DNMT3L: variants seen among roughly 807,000 people sequenced by gnomAD.
DNMT3L encodes the protein DNA methyltransferase 3 like.
Under a neutral mutation model 36.2 loss-of-function variants are expected in DNMT3L, and 33 were observed. That is an observed-to-expected ratio of 0.91 (90% confidence interval 0.69 to 1.22). The LOEUF is 1.22. Among genes scored for constraint, DNMT3L ranks in the 50% most tolerant of loss-of-function variants. The probability of loss-of-function intolerance (pLI) is 0.00; values close to 1 mark genes in which losing one functional copy is unlikely to be tolerated. For synonymous variants in DNMT3L, 117 were observed against 121.7 expected (o/e 0.96, Z 0.26); for missense variants, 310 against 303.1 (o/e 1.02, Z -0.17).
rs757536808 is a variant in DNMT3L, at chr21:44,261,218, G to A, written c.42C>T (p.Ser14=). The A allele has an allele frequency of 3.7e-6, 6 of 1,612,706 alleles. No homozygotes were observed. In the South Asian group the frequency reaches 6.6e-5, roughly 18 times the overall value. ...TGGATCCCACCAAAATCACGTCCAT[G>A]CTGGGCTCGGCCTCTGGGTCCAGGG... ...IPALDPEAEP[S]MDVILVGSSE... Residue 14 remains serine, a synonymous_variant, in exon 2 of 12, where the codon AGC becomes AGT. Transcript: ENST00000628202.
chr21:44,260,815 G>C lies in DNMT3L; in HGVS notation c.131C>G (p.Ala44Gly). 1 of 1,613,188 alleles carries C rather than the reference G, an allele frequency of 6.2e-7. No individual in the cohort carries two copies. Among genetic ancestry groups the C allele is most frequent in the East Asian group, 2.2e-5 (1 of 44,886 alleles). The change falls in exon 3 of 12, where the codon GCT becomes GGT. Residue 44 changes from alanine to glycine, a missense_variant. Coordinates refer to ENST00000628202, the MANE Select transcript of DNMT3L (RefSeq NM_175867.3). ...CTCACCTTCTATATTTCGCTGGTTA[G>C]CCTTGACTTCATATGCAATAAGATC... Reference protein sequence around the residue: ...GRDLIAYEVKANQRNIEDICI... With the variant: ...GRDLIAYEVKGNQRNIEDICI...
chr21:44,256,817 C>T (rs554096223), intron 6 of DNMT3L, among the ~76,000 whole-genome samples: 27 of 152,318 alleles, frequency 1.8e-4, no homozygotes, highest in South Asian at 1.2e-3. Flanking sequence ...AGGGCCAACC[C>T]CCAAGGCCCA....
intron 7 of DNMT3L, among the ~76,000 whole-genome samples, chr21:44,254,936 C>T (rs879919469): frequency 6.6e-6 from 1 of 152,186 alleles, no homozygotes; most frequent in African/African-American, 2.4e-5. Flanking sequence ...AGCGGTTCCC[C>T]TGCCTCAACC....
intron 5 of DNMT3L, 24 bp downstream of exon 5, chr21:44,259,413 C>G (rs372124392): frequency 3.1e-6 from 5 of 1,612,122 alleles, no homozygotes; most frequent in Admixed American, 3.3e-5. Flanking sequence ...CCCTTCACCC[C>G]CCTGGGCAGG....
chr21:44,259,305 A>C, intron 5 of DNMT3L, 132 bp downstream of exon 5: 1 of 915,858 alleles, frequency 1.1e-6, no homozygotes, highest in East Asian at 2.6e-5. Context: ...GACGCATTGG[A>C]GACAGAAATC....
intron 7 of DNMT3L, among the ~76,000 whole-genome samples, chr21:44,254,988 G>T (rs2040246117): frequency 6.6e-6 from 1 of 152,030 alleles, no homozygotes; most frequent in Non-Finnish European, 1.5e-5. Flanking sequence ...ACCACGCCCG[G>T]CTAATTTTTT....
intron 6 of DNMT3L, among the ~76,000 whole-genome samples, chr21:44,256,372 C>G (rs112248290): frequency 2.6e-5 from 4 of 150,980 alleles, no homozygotes; most frequent in African/African-American, 7.3e-5. Flanking sequence ...GTCTCCCGCT[C>G]TGACCTGTCT....
chr21:44,254,513 C>T, intron 8 of DNMT3L, 104 bp downstream of exon 8: 2 of 1,318,858 alleles, frequency 1.5e-6, no homozygotes, highest in Non-Finnish European at 2.1e-6. Context: ...CTCCTCCCAG[C>T]CCCTGCTGCC....
In DNMT3L at chr21:44,259,634, T is replaced by C. The variant is rs1362870630; in HGVS notation, c.229A>G (p.Lys77Glu). The C allele has an allele frequency of 1.9e-6, 3 of 1,613,274 alleles. No homozygotes were observed. Among genetic ancestry groups the C allele is most frequent in the Non-Finnish European group, 8.5e-7 (1 of 1,179,860 alleles). Residue 77 changes from lysine (K) to glutamate (E), a missense_variant and splice_region_variant, in exon 4 of 12, where the codon AAG (lysine) becomes GAG (glutamate). By Grantham distance (56) the Lys-to-Glu change is moderately conservative. Transcript: ENST00000628202. ...TCACCCCCAGCCTCCCTGCCTACCT[T>C]ACATGGGGCGCAGATCCCTCCCTCA... ...LFEGGICAPC[K>E]DKFLDALFLY...
chr21:44,261,101 G>C, intron 2 of DNMT3L, 53 bp downstream of exon 2: 1 of 1,595,082 alleles, frequency 6.3e-7, no homozygotes, highest in Non-Finnish European at 8.6e-7. Context: ...ACCTCATCCA[G>C]GCCTGGGATC....
chr21:44,260,166 A>T (rs1351637863), intron 3 of DNMT3L, among the ~76,000 whole-genome samples: 1 of 152,124 alleles, frequency 6.6e-6, no homozygotes, highest in Non-Finnish European at 1.5e-5. Context: ...AGGAGTTGAC[A>T]GGCTGATCCT....
Position 44,259,478 on chromosome 21 carries a change from G to C in DNMT3L, c.303C>G (p.Ser101=), listed in dbSNP as rs79589187. The change falls in exon 5 of 12, where the codon TCC becomes TCG. Residue 101 remains serine (S), a synonymous_variant. Coordinates refer to ENST00000628202, the MANE Select transcript of DNMT3L (RefSeq NM_175867.3). ...GYQSYCSICC[S]GETLLICGNP... ...TTCCGCAGATGAGCAGCGTCTCTCCGGAGCAGCAGATGGAGCAGTAGGATT... is the reference window on the plus strand; with the variant it reads ...TTCCGCAGATGAGCAGCGTCTCTCCCGAGCAGCAGATGGAGCAGTAGGATT... 5 of 1,613,524 alleles carry C rather than the reference G, an allele frequency of 3.1e-6. No individual in the cohort carries two copies. The South Asian group carries it at 5.5e-5, about 18-fold the overall frequency.
chr21:44,259,338 C>T, intron 5 of DNMT3L, 99 bp downstream of exon 5: 1 of 1,221,874 alleles, frequency 8.2e-7, no homozygotes. Flanking sequence ...GGAAATCATC[C>T]ATTTGGGAAG....
rs181538516 is a variant in DNMT3L at position 44,256,549 on chromosome 21, C to T, written c.517-395G>A. On this transcript the variant is annotated intron_variant, in intron 6 of 11. Coordinates refer to ENST00000628202, the MANE Select transcript of DNMT3L (RefSeq NM_175867.3). ...AAGCGATTCTCCTGCTTCACCCTCC[C>T]GAGTAGCTGGGATCACAGGCACCCG... is the stretch of plus-strand genomic sequence containing the variant. Among the ~76,000 whole-genome samples, 42 of 152,010 alleles carry T rather than the reference C, an allele frequency of 2.8e-4. 1 individual carries two copies. In the South Asian group the frequency reaches 7.3e-3, roughly 26 times the overall value.
Position 44,258,700 on chromosome 21 carries a change from G to A in DNMT3L, c.345-6C>T. On this transcript the variant is annotated splice_polypyrimidine_tract_variant and splice_region_variant and intron_variant, in intron 5 of 11. Transcript: ENST00000628202. This position sits in a 1 kb window ranked among gnomAD's most constrained non-coding sequence, Gnocchi z 6.2. Reference sequence around the variant, plus strand: ...CACACTCGAAGCAGTAGCATCTAAGGCCAGACAGAAAACCACAGCAGCGGA... The same window carrying A: ...CACACTCGAAGCAGTAGCATCTAAGACCAGACAGAAAACCACAGCAGCGGA... 1 of 1,610,980 alleles carries A rather than the reference G, an allele frequency of 6.2e-7. No individual in the cohort carries two copies. The highest frequency in any genetic ancestry group is 1.3e-5 in the African/African-American group (1 of 74,996).
chr21:44,261,702 T>G, intron 1 of DNMT3L, 38 bp downstream of exon 1: 1 of 164,092 alleles, frequency 6.1e-6, no homozygotes. Flanking sequence ...GCCGCACCCT[T>G]GAAGGCAGCA....
chr21:44,254,592 T>G, intron 8 of DNMT3L, 25 bp downstream of exon 8: 1 of 1,612,608 alleles, frequency 6.2e-7, no homozygotes, highest in Non-Finnish European at 8.5e-7. Flanking sequence ...CACTACAGTG[T>G]CTGAGAGTTC....
At position 44,258,729 on chromosome 21, in the gene DNMT3L, G is replaced by A; in HGVS notation, c.345-35C>T. 1 of 1,602,402 alleles carries A rather than the reference G, an allele frequency of 6.2e-7. No homozygotes were observed. ...GACAGAAAACCACAGCAGCGGACAT[G>A]ACAGCCCACCTCTCCTGAGGATGGC... On this transcript the variant is annotated intron_variant, in intron 5 of 11. Coordinates refer to ENST00000628202, the MANE Select transcript of DNMT3L (RefSeq NM_175867.3). This position sits in a 1 kb window ranked among gnomAD's most constrained non-coding sequence, Gnocchi z 6.2.
chr21:44,258,255 G>A lies in DNMT3L; in HGVS notation c.516+268C>T, dbSNP rs1354747244. Among the ~76,000 whole-genome samples the A allele has an allele frequency of 6.6e-6, 1 of 152,140 alleles. No homozygotes were observed. The highest frequency in any genetic ancestry group is 2.4e-5 in the African/African-American group (1 of 41,436). On this transcript the variant is annotated intron_variant, in intron 6 of 11. Coordinates refer to ENST00000628202, the MANE Select transcript of DNMT3L (RefSeq NM_175867.3). This position sits in a 1 kb window ranked among gnomAD's most constrained non-coding sequence, Gnocchi z 6.2. ...GCTCCTGAGGACTGGACTTTGAGAC[G>A]TGCCAGCCACCCTCTCCCGGCCCCT...
Sources: gnomAD v4.1 joint callset for allele counts (sites outside exome capture counted in the v4.1 genomes callset) on GRCh38, gnomAD v4.1.1 for gene constraint, Gnocchi (gnomAD v3.1) non-coding constraint, MANE v1.5 for transcripts, NCBI Gene and HGNC (gene_info 2026-07-23, HGNC 2026-07-21) for gene names.